Variants in NET1 observed in about 807,000 individuals in gnomAD.
NET1 encodes neuroepithelial cell transforming 1, also known as neuroepithelial cell-transforming gene 1 protein.
In NET1, 42 loss-of-function variants were observed where a neutral mutation model predicts 61.1. That is an observed-to-expected ratio of 0.69 (90% CI 0.54 to 0.89). The LOEUF is 0.89. Ranked by LOEUF, NET1 falls within the 40% of genes least tolerant of loss-of-function variation. The pLI is 0.00. For missense variants in NET1, 654 were observed against 747.3 expected, an observed-to-expected ratio of 0.88 and a Z score of 1.46; for synonymous variants, 254 against 281.8, an observed-to-expected ratio of 0.90 and a Z score of 0.99.
At position 5,449,990 on chromosome 10, in the gene NET1, G is replaced by C. The variant is rs1832678493; in HGVS notation, c.256-1840G>C. Among the ~76,000 whole-genome samples the C allele has an allele frequency of 6.6e-6, 1 of 152,166 alleles. No homozygotes were observed. Among genetic ancestry groups the C allele is most frequent in the Non-Finnish European group, 1.5e-5 (1 of 68,026 alleles). ...ACTCTGTGAGGTAATTCTATCTTCA[G>C]TCCAACAGGAGACTCTTTGTGCTGT... On this transcript the variant is annotated intron_variant, in intron 3 of 11. Coordinates refer to ENST00000355029, the MANE Select transcript of NET1 (RefSeq NM_001047160.3). This position sits in a 1 kb window ranked among gnomAD's most constrained non-coding sequence, Gnocchi z 4.4.
Position 5,446,963 on chromosome 10 carries a change from C to A in NET1, c.256-4867C>A. The A allele has an allele frequency of 1.3e-6, 1 of 797,052 alleles. No homozygotes were observed. The highest frequency in any genetic ancestry group is 1.9e-6 in the Non-Finnish European group (1 of 539,012). 49.4% of individuals were successfully genotyped at this position (797,052 alleles called of 1,614,324 possible). A position where few individuals can be genotyped will look rare whatever the true frequency, so the allele number is the denominator to read the frequency against. ...AACAGTATAATTTTAAACTTTTGATCTTATTATTACAATGTATGTTCTTGA... is the reference window on the plus strand; with the variant it reads ...AACAGTATAATTTTAAACTTTTGATATTATTATTACAATGTATGTTCTTGA... On this transcript the variant is annotated intron_variant, in intron 3 of 11. Coordinates refer to ENST00000355029, the MANE Select transcript of NET1 (RefSeq NM_001047160.3). This position sits in a 1 kb window ranked among gnomAD's most constrained non-coding sequence, Gnocchi z 5.0.
At chr10:5,436,992 C>G (rs1267005885) in intron 3 of NET1, among the ~76,000 whole-genome samples, 1 of 152,170 alleles carries the variant, frequency 6.6e-6, no homozygotes, top group Admixed American at 6.5e-5. Flanking sequence ...AAGTTAAATA[C>G]AAAACAATTA....
In NET1 at chr10:5,447,879, T is replaced by A. The variant is rs1430952377; in HGVS notation, c.256-3951T>A. ...CAGTCACTAGTGTGAATCCTGCAGC[T>A]TATCATCTGTTGGGCCCATAGAAGC... On this transcript the variant is annotated intron_variant, in intron 3 of 11. Transcript: ENST00000355029. This position sits in a 1 kb window ranked among gnomAD's most constrained non-coding sequence, Gnocchi z 4.1. 6.6e-6 allele frequency among the ~76,000 whole-genome samples: 1 copy of A among 152,234 alleles called. No homozygotes were observed. The highest frequency in any genetic ancestry group is 1.5e-5 in the Non-Finnish European group (1 of 68,044).
chr10:5,438,891 A>G (rs1832480298), intron 3 of NET1, among the ~76,000 whole-genome samples: 2 of 152,162 alleles, frequency 1.3e-5, no homozygotes, highest in Admixed American at 1.3e-4. Flanking sequence ...GCTGGAGCAC[A>G]CTGAACCTTC....
intron 3 of NET1, among the ~76,000 whole-genome samples, chr10:5,436,186 TTGTGTGTG>T (rs139070024): frequency 0.012 from 255 of 21,250 alleles, 4 homozygotes; most frequent in African/African-American, 0.029. Context: ...TGTGTGTGTG[TTGTGTGTG>T]TGTGTGTGTG....
rs1832503538 is a variant in NET1 at position 5,440,232 on chromosome 10, G to C, written c.255+11003G>C. On this transcript the variant is annotated intron_variant, in intron 3 of 11. Transcript: ENST00000355029. The surrounding 1 kb of genome is among the most constrained non-coding windows in gnomAD (Gnocchi z 4.1). The stretch of plus-strand genomic sequence containing the variant: ...TTTGTGACAGAAAACAAAGTGAACA[G>C]CTTCAGGACGTGAGCAATCACAGGC... 6.6e-6 allele frequency among the ~76,000 whole-genome samples: 1 copy of C among 152,214 alleles called. No homozygotes were observed. Among genetic ancestry groups the C allele is most frequent in the South Asian group, 2.1e-4 (1 of 4,826 alleles).
At position 5,441,652 on chromosome 10, in the gene NET1, G is replaced by A. The variant is rs151002075; in HGVS notation, c.256-10178G>A. On this transcript the variant is annotated intron_variant, in intron 3 of 11. Coordinates refer to ENST00000355029, the MANE Select transcript of NET1 (RefSeq NM_001047160.3). This position sits in a 1 kb window ranked among gnomAD's most constrained non-coding sequence, Gnocchi z 4.6. ...GACAATACCAAACTTATTAGCCTAT[G>A]AGACTATTTTATTTAAAGTGTGTCT... Among the ~76,000 whole-genome samples the A allele has an allele frequency of 2.1e-4, 32 of 152,306 alleles. No homozygotes were observed. The East Asian group carries it at 5.8e-3, about 28-fold the overall frequency.
chr10:5,453,703 C>T lies in NET1; in HGVS notation c.768+143C>T. 1 of 613,304 alleles carries T rather than the reference C, an allele frequency of 1.6e-6. No homozygotes were observed. The highest frequency in any genetic ancestry group is 2.9e-5 in the Admixed American group (1 of 33,996). 38.0% of individuals were successfully genotyped at this position (613,304 alleles called of 1,614,324 possible). ...TTAAAACTGAACAAATTTACAGTGA[C>T]ATAAGAAGTTACAGTCTGTTTAAAA... On this transcript the variant is annotated intron_variant, in intron 8 of 11. Transcript: ENST00000355029. The surrounding 1 kb of genome is among the most constrained non-coding windows in gnomAD (Gnocchi z 4.9).
rs1362505137 is a variant in NET1 at position 5,446,526 on chromosome 10, G to T, written c.256-5304G>T. 9.0e-7 allele frequency: 1 copy of T among 1,114,938 alleles called. No individual in the cohort carries two copies. Among genetic ancestry groups the T allele is most frequent in the Non-Finnish European group, 1.1e-6 (1 of 912,314 alleles). The allele number at this position is 1,114,938 out of a possible 1,614,324, so 69.1% of individuals were successfully genotyped here. ...GCTCTCAGTTAACTGAAGTCACGTG[G>T]TGGTGGACCCCGCCCCCAGGGCCCG... is the stretch of plus-strand genomic sequence containing the variant. On this transcript the variant is annotated intron_variant, in intron 3 of 11. Transcript: ENST00000355029. This position sits in a 1 kb window ranked among gnomAD's most constrained non-coding sequence, Gnocchi z 5.0.
rs1210114987 is a variant in NET1 at position 5,456,931 on chromosome 10, C to T, written c.1728C>T (p.Pro576=). Residue 576 remains proline, a synonymous_variant, in exon 12 of 12, where the codon CCC becomes CCT. Transcript: ENST00000355029. This position sits in a 1 kb window ranked among gnomAD's most constrained non-coding sequence, Gnocchi z 7.0. ...GCTTAAAGACACACCAGACACAGCC[C>T]GGCATCCGAAGAGCGAGGGACAAAG... ...SKSLKTHQTQ[P]GIRRARDKAL... 5.0e-6 allele frequency: 8 copies of T among 1,608,318 alleles called. No individual in the cohort carries two copies. The highest frequency in any genetic ancestry group is 1.3e-5 in the African/African-American group (1 of 74,802).
rs534951568 is a variant in NET1, at chr10:5,429,190, A to G, written c.216A>G (p.Lys72=). ...TTTAGAAAAGAAAACGCAGAGAGAA[A>G]GATGATGATGTTGTAAGCCTTAGCA... ...DFTLKRKRRE[K]DDDVVSLSSL... Residue 72 remains lysine, a synonymous_variant, in exon 3 of 12, where the codon AAA becomes AAG. Coordinates refer to ENST00000355029, the MANE Select transcript of NET1 (RefSeq NM_001047160.3). 6.2e-6 allele frequency: 10 copies of G among 1,610,734 alleles called. No individual in the cohort carries two copies. In the South Asian group the frequency reaches 1.1e-4, roughly 18 times the overall value.
intron 1 of NET1, among the ~76,000 whole-genome samples, chr10:5,425,699 G>A (rs917315054): frequency 4.6e-5 from 7 of 152,206 alleles, no homozygotes; most frequent in Middle Eastern, 3.4e-3. Flanking sequence ...CTTCACACTC[G>A]TCTACCTGTC....
In NET1 at chr10:5,454,117, A is replaced by T. The variant is rs1832756423; in HGVS notation, c.769-148A>T. On this transcript the variant is annotated intron_variant, in intron 8 of 11. Transcript: ENST00000355029. The surrounding 1 kb of genome is among the most constrained non-coding windows in gnomAD (Gnocchi z 8.1). ...TTTGATGATTGCTAAAATGCTATTC[A>T]GCTTCCATTATTATCTGCCAGAAAA... 2 of 827,804 alleles carry T rather than the reference A, an allele frequency of 2.4e-6. No homozygotes were observed. The highest frequency in any genetic ancestry group is 5.0e-5 in the Admixed American group (2 of 40,134). The allele number at this position is 827,804 out of a possible 1,614,324, so 51.3% of individuals were successfully genotyped here. A position where few individuals can be genotyped will look rare whatever the true frequency, so the allele number is the denominator to read the frequency against.
intron 1 of NET1, among the ~76,000 whole-genome samples, chr10:5,413,128 C>T (rs1832030134): frequency 6.6e-6 from 1 of 152,008 alleles, no homozygotes; most frequent in South Asian, 2.1e-4. Flanking sequence ...CCTGAGACCC[C>T]AAACTGCGAT....
chr10:5,434,169 G>A (rs554391301), intron 3 of NET1, among the ~76,000 whole-genome samples: 1 of 152,324 alleles, frequency 6.6e-6, no homozygotes, highest in East Asian at 1.9e-4. Context: ...GGCCAGGATA[G>A]CCTTTTCAGC....
In NET1 at chr10:5,452,841, T is replaced by C. The variant is rs1215656551; in HGVS notation, c.532-17T>C. Reference sequence around the variant, plus strand: ...TTCTCGAAGGAATGACCTCTGATGTTTGCTGGATGTTTTTAGGCAATATAT... The same window carrying C: ...TTCTCGAAGGAATGACCTCTGATGTCTGCTGGATGTTTTTAGGCAATATAT... On this transcript the variant is annotated splice_polypyrimidine_tract_variant and intron_variant, in intron 5 of 11. Transcript: ENST00000355029. This position sits in a 1 kb window ranked among gnomAD's most constrained non-coding sequence, Gnocchi z 4.0. 6.2e-7 allele frequency: 1 copy of C among 1,609,154 alleles called. No homozygotes were observed. Among genetic ancestry groups the C allele is most frequent in the South Asian group, 1.1e-5 (1 of 89,280 alleles).
rs1832640316 is a variant in NET1, at chr10:5,447,790, C to G, written c.256-4040C>G. ...TTTGGTTTTTGTTCTTGGTTTTGGT[C>G]TTTGCCTATGTGTCGGTTTTCTCAA... On this transcript the variant is annotated intron_variant, in intron 3 of 11. Coordinates refer to ENST00000355029, the MANE Select transcript of NET1 (RefSeq NM_001047160.3). The surrounding 1 kb of genome is among the most constrained non-coding windows in gnomAD (Gnocchi z 4.1). Among the ~76,000 whole-genome samples the G allele has an allele frequency of 6.6e-6, 1 of 152,176 alleles. No individual in the cohort carries two copies. The highest frequency in any genetic ancestry group is 2.1e-4 in the South Asian group (1 of 4,828).
At position 5,446,188 on chromosome 10, in the gene NET1, C is replaced by T. The variant is rs2119202868; in HGVS notation, c.256-5642C>T. ...TATTTTATAATTGTGAATATGCTTG[C>T]ACTTCTGTAAAATAAAAGCAGGTTT... On this transcript the variant is annotated intron_variant, in intron 3 of 11. Coordinates refer to ENST00000355029, the MANE Select transcript of NET1 (RefSeq NM_001047160.3). The surrounding 1 kb of genome is among the most constrained non-coding windows in gnomAD (Gnocchi z 5.0). Among the ~76,000 whole-genome samples, 1 of 152,256 alleles carries T rather than the reference C, an allele frequency of 6.6e-6. No homozygotes were observed. The highest frequency in any genetic ancestry group is 2.1e-4 in the South Asian group (1 of 4,822).
chr10:5,458,414 C>A lies in NET1; in HGVS notation c.*1420C>A, dbSNP rs940360885. On this transcript the variant is annotated 3_prime_UTR_variant, in exon 12 of 12. Coordinates refer to ENST00000355029, the MANE Select transcript of NET1 (RefSeq NM_001047160.3). This position sits in a 1 kb window ranked among gnomAD's most constrained non-coding sequence, Gnocchi z 4.5. ...GTAAATAGATCCATCCAAATGATTT[C>A]TCTGTACAAATGAATGATACTATTA... 7.9e-5 allele frequency: 12 copies of A among 151,692 alleles called. No homozygotes were observed. The highest frequency in any genetic ancestry group is 2.9e-4 in the African/African-American group (12 of 41,182). The allele number at this position is 151,692 out of a possible 1,614,324, so 9.4% of individuals were successfully genotyped here. A position where few individuals can be genotyped will look rare whatever the true frequency, so the allele number is the denominator to read the frequency against.
Sources: gnomAD v4.1 joint callset for allele counts (sites outside exome capture counted in the v4.1 genomes callset) on GRCh38, gnomAD v4.1.1 for gene constraint, Gnocchi (gnomAD v3.1) non-coding constraint, MANE v1.5 for transcripts, NCBI Gene and HGNC (gene_info 2026-07-23, HGNC 2026-07-21) for gene names.